MYO3B: variants seen among roughly 807,000 people sequenced by gnomAD.
MYO3B encodes the protein myosin IIIB.
In MYO3B, 156 loss-of-function variants were observed where a neutral mutation model predicts 174.6. That is an observed-to-expected ratio of 0.89 (90% CI 0.78 to 1.02). The LOEUF (loss-of-function observed/expected upper bound fraction) is 1.02, where lower values mean the gene tolerates loss of function less well. MYO3B is among the 50% of genes least tolerant of loss of function. MYO3B has a pLI of 0.00. For synonymous variants in MYO3B, 563 were observed against 569.1 expected (o/e 0.99, Z 0.15); for missense variants, 1,632 against 1,639.4 (o/e 1.00, Z 0.08).
rs149060409 is a variant in MYO3B at position 170,639,654 on chromosome 2, T to C, written c.3734-11974T>C. The stretch of plus-strand genomic sequence containing the variant: ...ATTCTAAACGTTTGCCTTTTAAACA[T>C]TTTCCCCTGGATCCAATCCTCCTGA... On this transcript the variant is annotated intron_variant, in intron 32 of 34. Transcript: ENST00000408978. 1.4e-4 allele frequency among the ~76,000 whole-genome samples: 22 copies of C among 152,310 alleles called. No homozygotes were observed. In the East Asian group the frequency reaches 3.3e-3, roughly 23 times the overall value.
intron 25 of MYO3B, among the ~76,000 whole-genome samples, chr2:170,494,336 A>G (rs1276280834): frequency 6.6e-6 from 1 of 152,220 alleles, no homozygotes; most frequent in Non-Finnish European, 1.5e-5. Context: ...CTGGATATAC[A>G]CTATTGTGAT....
chr2:170,484,648 C>T (rs1481411000), intron 25 of MYO3B, among the ~76,000 whole-genome samples: 2 of 152,118 alleles, frequency 1.3e-5, no homozygotes, highest in Non-Finnish European at 2.9e-5. Context: ...AATTTCAGGA[C>T]TTTTTCTTTC....
chr2:170,392,601 A>G (rs1014911869), intron 16 of MYO3B, 106 bp downstream of exon 16: 9 of 638,574 alleles, frequency 1.4e-5, no homozygotes, highest in Non-Finnish European at 2.2e-5. Context: ...TTCAAATGCC[A>G]TGTTGGTCAT....
chr2:170,629,084 C>G (rs966978208), intron 32 of MYO3B, among the ~76,000 whole-genome samples: 4 of 152,242 alleles, frequency 2.6e-5, no homozygotes, highest in Non-Finnish European at 1.5e-5. Context: ...ACTTGCTTGT[C>G]TGTTTTTAAA....
chr2:170,638,911 G>T (rs7599256), intron 32 of MYO3B, among the ~76,000 whole-genome samples: 89,627 of 151,868 alleles, frequency 0.59, 26,892 homozygotes, highest in Admixed American at 0.69. Flanking sequence ...TATGTGTGCC[G>T]GGGTCTTCTG....
intron 7 of MYO3B, among the ~76,000 whole-genome samples, chr2:170,328,721 C>A (rs775385559): frequency 2.0e-5 from 3 of 151,936 alleles, no homozygotes; most frequent in Non-Finnish European, 2.9e-5. Flanking sequence ...CCTATAGTTA[C>A]CCACTCTGTG....
chr2:170,623,070 T>C (rs1266915051), intron 32 of MYO3B, among the ~76,000 whole-genome samples: 2 of 152,196 alleles, frequency 1.3e-5, no homozygotes, highest in African/African-American at 4.8e-5. Context: ...TGATTTATAT[T>C]CCTTTGGGTA....
chr2:170,609,668 A>G (rs1695019821), intron 32 of MYO3B, among the ~76,000 whole-genome samples: 1 of 152,234 alleles, frequency 6.6e-6, no homozygotes, highest in South Asian at 2.1e-4. Flanking sequence ...CTATGGTTCA[A>G]TGCTGCTTAT....
intron 30 of MYO3B, among the ~76,000 whole-genome samples, chr2:170,535,072 G>A (rs781226157): frequency 1.4e-4 from 22 of 151,952 alleles, no homozygotes; most frequent in Non-Finnish European, 2.6e-4. Context: ...TTCCTCTTTG[G>A]CACTTACTTG....
intron 32 of MYO3B, among the ~76,000 whole-genome samples, chr2:170,556,736 G>A (rs1301708041): frequency 6.6e-6 from 1 of 152,180 alleles, no homozygotes; most frequent in African/African-American, 2.4e-5. Context: ...TAGCCAGGCT[G>A]GTCTCGAACT....
chr2:170,648,724 A>ATT (rs1279441303), intron 32 of MYO3B, among the ~76,000 whole-genome samples: 181 of 39,362 alleles, frequency 4.6e-3, no homozygotes, highest in Non-Finnish European at 8.5e-3. Flanking sequence ...TATAATATGT[A>ATT]AAATATATAT....
At chr2:170,515,075 A>G in intron 29 of MYO3B, 53 bp downstream of exon 29, 6 of 1,504,458 alleles carry the variant, frequency 4.0e-6, no homozygotes, top group Non-Finnish European at 5.5e-6. Flanking sequence ...GGCATTCCGG[A>G]GAAGGTTCCA....
chr2:170,375,455 C>T (rs953158045), intron 9 of MYO3B, among the ~76,000 whole-genome samples: 3 of 151,840 alleles, frequency 2.0e-5, no homozygotes, highest in Admixed American at 6.6e-5. Context: ...GATGTTAAAC[C>T]CTAAATGCCA....
chr2:170,240,491 T>C (rs2093119136), intron 7 of MYO3B, among the ~76,000 whole-genome samples: 1 of 152,190 alleles, frequency 6.6e-6, no homozygotes, highest in Admixed American at 6.5e-5. Context: ...TTCCCTCCTT[T>C]TCAGGGAGGA....
intron 5 of MYO3B, among the ~76,000 whole-genome samples, chr2:170,216,276 G>A (rs991811919): frequency 2.0e-5 from 3 of 152,198 alleles, no homozygotes; most frequent in African/African-American, 7.2e-5. Flanking sequence ...TAAGGTCTAT[G>A]TGAGACTTCT....
At chr2:170,587,005 T>C (rs1315925854) in intron 32 of MYO3B, among the ~76,000 whole-genome samples, 1 of 152,234 alleles carries the variant, frequency 6.6e-6, no homozygotes, top group African/African-American at 2.4e-5. Context: ...TGAATGAATA[T>C]GTTGGTTTTC....
At chr2:170,382,835 C>A (rs2094345477) in intron 10 of MYO3B, 2 of 348,942 alleles carry the variant, frequency 5.7e-6, no homozygotes, top group South Asian at 1.3e-4. Flanking sequence ...ATCTCAGTGT[C>A]TTTTAGCAAG....
intron 22 of MYO3B, among the ~76,000 whole-genome samples, chr2:170,430,048 T>C (rs1250511735): frequency 6.8e-6 from 1 of 146,358 alleles, no homozygotes; most frequent in African/African-American, 2.5e-5. Flanking sequence ...AGATAAAAAA[T>C]ACAATATTGG....
chr2:170,248,872 C>T (rs932669446), intron 7 of MYO3B, among the ~76,000 whole-genome samples: 4 of 152,328 alleles, frequency 2.6e-5, no homozygotes, highest in South Asian at 2.1e-4. Flanking sequence ...TATTAGGACA[C>T]GGACATCTTT....
Sources: allele counts gnomAD v4.1 joint callset (sites outside exome capture counted in the v4.1 genomes callset), GRCh38; gene constraint gnomAD v4.1.1; transcripts MANE v1.5; gene names NCBI Gene and HGNC (gene_info 2026-07-23, HGNC 2026-07-21).